Variants in NEK6 observed in about 807,000 individuals in gnomAD.
The protein encoded by NEK6 is NIMA related kinase 6, also known as serine/threonine-protein kinase Nek6.
Under a neutral mutation model 43.5 loss-of-function variants are expected in NEK6, and 27 were observed. The ratio of observed to expected loss-of-function variants is 0.62; its 90% CI spans 0.46 to 0.86. The LOEUF is 0.86. NEK6 is among the 40% of genes least tolerant of loss of function. NEK6 has a pLI of 0.00. For missense variants in NEK6, 318 were observed against 414.4 expected, an observed-to-expected ratio of 0.77 and a Z score of 2.02; for synonymous variants, 167 against 164.1, an observed-to-expected ratio of 1.02 and a Z score of -0.14.
intron 7 of NEK6, among the ~76,000 whole-genome samples, chr9:124,330,750 A>G (rs1564653244): frequency 6.6e-6 from 1 of 152,154 alleles, no homozygotes; most frequent in Admixed American, 6.5e-5. Context: ...GACACAGTCC[A>G]TGCCAGGTGG....
chr9:124,322,402 A>C (rs1421209306), intron 5 of NEK6, among the ~76,000 whole-genome samples: 1 of 152,176 alleles, frequency 6.6e-6, no homozygotes, highest in Non-Finnish European at 1.5e-5. Context: ...GGACCACTGC[A>C]GCTTCAGTGA....
intron 7 of NEK6, among the ~76,000 whole-genome samples, chr9:124,339,174 G>A (rs979034235): frequency 1.3e-5 from 2 of 152,078 alleles, no homozygotes; most frequent in African/African-American, 2.4e-5. Context: ...GATTATAGGT[G>A]TCTGCCACTA....
At position 124,343,124 on chromosome 9, in the gene NEK6, T is replaced by A. The variant is rs141944317; in HGVS notation, c.717+3459T>A. ...GTGCATCTCACAAGGCAGTCCCGCC[T>A]TCGTGACTCCCTGGCATTGAGGCTC... On this transcript the variant is annotated intron_variant, in intron 8 of 9. Coordinates refer to ENST00000320246, the MANE Select transcript of NEK6 (RefSeq NM_014397.6). The surrounding 1 kb of genome is among the most constrained non-coding windows in gnomAD (Gnocchi z 5.1). Among the ~76,000 whole-genome samples, 1 of 152,228 alleles carries A rather than the reference T, an allele frequency of 6.6e-6. No homozygotes were observed. Among genetic ancestry groups the A allele is most frequent in the East Asian group, 1.9e-4 (1 of 5,172 alleles).
At chr9:124,331,927 C>A (rs747846919) in intron 7 of NEK6, among the ~76,000 whole-genome samples, 2 of 152,356 alleles carry the variant, frequency 1.3e-5, no homozygotes, top group Middle Eastern at 6.8e-3. Context: ...CTGTCAGTCC[C>A]TCGGGCCCAG....
intron 8 of NEK6, among the ~76,000 whole-genome samples, chr9:124,342,867 G>A (rs1829717282): frequency 1.4e-5 from 2 of 145,012 alleles, no homozygotes; most frequent in Non-Finnish European, 3.0e-5. Context: ...TGGCCAGGCT[G>A]ACAGAGCTGT....
At chr9:124,339,189 C>T (rs1335277413) in intron 7 of NEK6, among the ~76,000 whole-genome samples, 2 of 152,156 alleles carry the variant, frequency 1.3e-5, no homozygotes, top group East Asian at 1.9e-4. Context: ...CCACTATGCC[C>T]AGCTAATTTT....
chr9:124,271,987 G>A (rs1564615110), intron 1 of NEK6, among the ~76,000 whole-genome samples: 1 of 152,264 alleles, frequency 6.6e-6, no homozygotes, highest in African/African-American at 2.4e-5. Context: ...TCCTGGGCTT[G>A]TTACCGCCCA....
intron 8 of NEK6, among the ~76,000 whole-genome samples, chr9:124,341,366 T>G (rs1829614157): frequency 6.8e-6 from 1 of 147,488 alleles, no homozygotes; most frequent in African/African-American, 2.5e-5. Context: ...CTCCCGGGGC[T>G]CAGCAGATGC....
intron 1 of NEK6, among the ~76,000 whole-genome samples, chr9:124,280,395 T>C (rs539147415): frequency 6.6e-6 from 1 of 152,352 alleles, no homozygotes; most frequent in South Asian, 2.1e-4. Flanking sequence ...TGAGTGAGGC[T>C]TGCCGCTCAC....
At position 124,350,860 on chromosome 9, in the gene NEK6, C is replaced by T; in HGVS notation, c.855C>T (p.Cys285=). ...SEKLRELVSM[C]ICPDPHQRPD... is the part of the protein sequence containing the mutation. ...AGTTACGAGAACTGGTCAGCATGTG[C>T]ATCTGCCCTGACCCCCACCAGAGAC... Residue 285 remains cysteine, a synonymous_variant, in exon 10 of 10, where the codon TGC becomes TGT. Coordinates refer to ENST00000320246, the MANE Select transcript of NEK6 (RefSeq NM_014397.6). 6.2e-7 allele frequency: 1 copy of T among 1,612,592 alleles called. No homozygotes were observed. The highest frequency in any genetic ancestry group is 8.5e-7 in the Non-Finnish European group (1 of 1,179,758).
Position 124,326,241 on chromosome 9 carries a change from G to A in NEK6, c.406-89G>A. 2.5e-6 allele frequency: 1 copy of A among 401,644 alleles called. No individual in the cohort carries two copies. The highest frequency in any genetic ancestry group is 3.2e-5 in the Admixed American group (1 of 31,276). The allele number at this position is 401,644 out of a possible 1,614,324, so 24.9% of individuals were successfully genotyped here. A position where few individuals can be genotyped will look rare whatever the true frequency, so the allele number is the denominator to read the frequency against. On this transcript the variant is annotated intron_variant, in intron 5 of 9. Coordinates refer to ENST00000320246, the MANE Select transcript of NEK6 (RefSeq NM_014397.6). This position sits in a 1 kb window ranked among gnomAD's most constrained non-coding sequence, Gnocchi z 4.5. ...CCCTGCCAGGCACCAGTTACCCACT[G>A]GGGAAAGGACAGAGGCAGTGCCCTG...
At chr9:124,291,888 G>A in intron 1 of NEK6, 1 of 985,734 alleles carries the variant, frequency 1.0e-6, no homozygotes, top group Non-Finnish European at 1.2e-6. Context: ...GCGCATGGTG[G>A]GGGAGTTTCC....
chr9:124,268,286 G>C (rs1247573690), intron 1 of NEK6, among the ~76,000 whole-genome samples: 5 of 152,164 alleles, frequency 3.3e-5, no homozygotes, highest in Non-Finnish European at 1.5e-5. Context: ...AGCTAATTAA[G>C]TGGTTTATCT....
intron 1 of NEK6, among the ~76,000 whole-genome samples, chr9:124,265,211 A>G (rs1831183303): frequency 1.3e-5 from 2 of 152,174 alleles, no homozygotes; most frequent in African/African-American, 2.4e-5. Context: ...GGTTAAATAT[A>G]TCTGAGAAAA....
chr9:124,269,407 CTT>C (rs1042474027), intron 1 of NEK6, among the ~76,000 whole-genome samples: 6 of 151,612 alleles, frequency 4.0e-5, no homozygotes, highest in African/African-American at 1.5e-4. Flanking sequence ...GAGTTTCACT[CTT>C]GTCACCCAGG....
rs995311884 is a variant in NEK6, at chr9:124,352,476, T to G, written c.*1529T>G. On this transcript the variant is annotated 3_prime_UTR_variant, in exon 10 of 10. Transcript: ENST00000320246. The stretch of plus-strand genomic sequence containing the variant: ...GAGATTTTGCTTTTAAACCAGTAGA[T>G]TCAAAACTTAAACAGCGTCTGCAGC... 1 of 152,236 alleles carries G rather than the reference T, an allele frequency of 6.6e-6. No individual in the cohort carries two copies. Among genetic ancestry groups the G allele is most frequent in the African/African-American group, 2.4e-5 (1 of 41,464 alleles). 9.4% of individuals were successfully genotyped at this position (152,236 alleles called of 1,614,324 possible). A position where few individuals can be genotyped will look rare whatever the true frequency, so the allele number is the denominator to read the frequency against.
rs1829089058 is a variant in NEK6, at chr9:124,332,973, C to T, written c.622+5528C>T. On this transcript the variant is annotated intron_variant, in intron 7 of 9. Transcript: ENST00000320246. ...AAACCCAGGCTGCACAGGGCTCTGCCTCTGCGTCTCGGCATCGCCGGGAGA... is the reference window on the plus strand; with the variant it reads ...AAACCCAGGCTGCACAGGGCTCTGCTTCTGCGTCTCGGCATCGCCGGGAGA... Among the ~76,000 whole-genome samples, 3 of 152,162 alleles carry T rather than the reference C, an allele frequency of 2.0e-5. No homozygotes were observed. The South Asian group carries it at 6.2e-4, about 32-fold the overall frequency.
At chr9:124,350,239 T>TTTAA (rs1442742295) in intron 9 of NEK6, among the ~76,000 whole-genome samples, 1 of 152,254 alleles carries the variant, frequency 6.6e-6, no homozygotes, top group East Asian at 1.9e-4. Flanking sequence ...AGGTCATTAT[T>TTTAA]TTAATTACCA....
intron 7 of NEK6, among the ~76,000 whole-genome samples, chr9:124,338,447 GA>G (rs1829402365): frequency 6.6e-6 from 1 of 152,218 alleles, no homozygotes; most frequent in Non-Finnish European, 1.5e-5. Flanking sequence ...CAGAAGCTTT[GA>G]AATATGTTCT....
Sources: gnomAD v4.1 joint callset for allele counts (sites outside exome capture counted in the v4.1 genomes callset) on GRCh38, gnomAD v4.1.1 for gene constraint, Gnocchi (gnomAD v3.1) non-coding constraint, MANE v1.5 for transcripts, NCBI Gene and HGNC (gene_info 2026-07-23, HGNC 2026-07-21) for gene names.